The following CTNND2 variants were observed in gnomAD, a reference collection of about 807,000 sequenced individuals.
CTNND2 encodes the protein catenin delta 2, also known as catenin delta-2.
A neutral mutation model predicts 144.4 loss-of-function variants in CTNND2; 22 were observed. That is an observed-to-expected ratio of 0.15 (90% CI 0.11 to 0.22). The LOEUF (loss-of-function observed/expected upper bound fraction) is 0.22. Ranked by LOEUF, CTNND2 falls within the 10% of genes least tolerant of loss-of-function variation. The pLI is 1.00. For synonymous variants in CTNND2, 751 were observed against 695.6 expected (o/e 1.08, Z -1.25); for missense variants, 1,353 against 1,618.8 (o/e 0.84, Z 2.82).
chr5:11,347,814 C>T (rs781394418), intron 8 of CTNND2, among the ~76,000 whole-genome samples: 4 of 152,170 alleles, frequency 2.6e-5, no homozygotes, highest in Non-Finnish European at 5.9e-5. Flanking sequence ...TCCTCTTTTA[C>T]ATTAGGGGAC....
At chr5:11,835,814 CTAT>C (rs1794146932) in intron 1 of CTNND2, among the ~76,000 whole-genome samples, 1 of 152,062 alleles carries the variant, frequency 6.6e-6, no homozygotes, top group Admixed American at 6.6e-5. Context: ...TTGATTTCTA[CTAT>C]TGTCTTTCTT....
chr5:11,448,038 C>A lies in CTNND2; in HGVS notation c.288-35969G>T, dbSNP rs577985229. Among the ~76,000 whole-genome samples, 4 of 152,054 alleles carry A rather than the reference C, an allele frequency of 2.6e-5. No individual in the cohort carries two copies. In the East Asian group the frequency reaches 5.8e-4, roughly 22 times the overall value. On this transcript the variant is annotated intron_variant, in intron 3 of 21. Transcript: ENST00000304623. ...AATCAAGCCTTGGGCAAGTGTTCTGCGAAGGGAGAGGGAGAATCTTCCGAG... is the reference window on the plus strand; with the variant it reads ...AATCAAGCCTTGGGCAAGTGTTCTGAGAAGGGAGAGGGAGAATCTTCCGAG...
chr5:11,103,220 G>C (rs1431737305), intron 14 of CTNND2, among the ~76,000 whole-genome samples: 1 of 151,692 alleles, frequency 6.6e-6, no homozygotes, highest in Non-Finnish European at 1.5e-5. Context: ...GACCTCAAGT[G>C]ATCCACCCAC....
chr5:11,807,093 A>G (rs1444988934), intron 1 of CTNND2, among the ~76,000 whole-genome samples: 1 of 152,146 alleles, frequency 6.6e-6, no homozygotes, highest in Non-Finnish European at 1.5e-5. Flanking sequence ...TAAACTCTGT[A>G]TTATTAAAAT....
chr5:11,085,418 C>A (rs1750026605), intron 15 of CTNND2, among the ~76,000 whole-genome samples: 1 of 152,058 alleles, frequency 6.6e-6, no homozygotes, highest in Non-Finnish European at 1.5e-5. Flanking sequence ...ACCAATTTGT[C>A]CAGATTTAGT....
chr5:11,828,251 C>T (rs1339245041), intron 1 of CTNND2, among the ~76,000 whole-genome samples: 2 of 152,126 alleles, frequency 1.3e-5, no homozygotes, highest in South Asian at 2.1e-4. Flanking sequence ...GTTTCCCGGC[C>T]GGGCATGGTG....
chr5:11,008,178 A>G (rs528410934), intron 18 of CTNND2, among the ~76,000 whole-genome samples: 97 of 152,298 alleles, frequency 6.4e-4, no homozygotes, highest in African/African-American at 2.3e-3. Flanking sequence ...GGGAGACTGA[A>G]TAATACTGCC....
Position 11,218,409 on chromosome 5 carries a change from G to C in CTNND2, c.1761+18282C>G, listed in dbSNP as rs541160872. On this transcript the variant is annotated intron_variant, in intron 10 of 21. Coordinates refer to ENST00000304623, the MANE Select transcript of CTNND2 (RefSeq NM_001332.4). Reference sequence around the variant, plus strand: ...ATTATACCAGTAAAGTTGCATATCAGAGTATCTTTTATCATTAGTAAGTCT... The same window carrying C: ...ATTATACCAGTAAAGTTGCATATCACAGTATCTTTTATCATTAGTAAGTCT... Among the ~76,000 whole-genome samples the C allele has an allele frequency of 3.9e-5, 6 of 152,248 alleles. No homozygotes were observed. The South Asian group carries it at 1.0e-3, about 26-fold the overall frequency.
chr5:11,113,750 C>A (rs1753260986), intron 13 of CTNND2, among the ~76,000 whole-genome samples: 1 of 152,176 alleles, frequency 6.6e-6, no homozygotes, highest in South Asian at 2.1e-4. Flanking sequence ...GCTGTGAGTA[C>A]CTCCCACCAG....
At chr5:11,066,253 T>C (rs936956262) in intron 16 of CTNND2, among the ~76,000 whole-genome samples, 3 of 152,204 alleles carry the variant, frequency 2.0e-5, no homozygotes, top group African/African-American at 7.2e-5. Flanking sequence ...TTGGCCAGGA[T>C]GGTCTCAATC....
intron 9 of CTNND2, among the ~76,000 whole-genome samples, chr5:11,282,707 C>T (rs1056358433): frequency 1.3e-5 from 2 of 152,172 alleles, no homozygotes; most frequent in South Asian, 4.1e-4. Flanking sequence ...AGTGGGCTTT[C>T]ATATGTAAAC....
intron 16 of CTNND2, among the ~76,000 whole-genome samples, chr5:11,044,898 G>C (rs2149572898): frequency 6.6e-6 from 1 of 152,344 alleles, no homozygotes; most frequent in South Asian, 2.1e-4. Context: ...GTGCCCCCTT[G>C]GGCCACCACT....
At position 11,790,336 on chromosome 5, in the gene CTNND2, T is replaced by C. The variant is rs532432501; in HGVS notation, c.38-58064A>G. On this transcript the variant is annotated intron_variant, in intron 1 of 21. Coordinates refer to ENST00000304623, the MANE Select transcript of CTNND2 (RefSeq NM_001332.4). ...CTGCCATATGCTTGTTGCTGTTCATTAGAAAAACATTTCAATATGAAGTCC... is the reference window on the plus strand; with the variant it reads ...CTGCCATATGCTTGTTGCTGTTCATCAGAAAAACATTTCAATATGAAGTCC... Among the ~76,000 whole-genome samples, 4 of 152,286 alleles carry C rather than the reference T, an allele frequency of 2.6e-5. No individual in the cohort carries two copies. The East Asian group carries it at 7.7e-4, about 29-fold the overall frequency.
chr5:11,006,911 C>A (rs1198141087), intron 18 of CTNND2, among the ~76,000 whole-genome samples: 1 of 152,032 alleles, frequency 6.6e-6, no homozygotes, highest in Non-Finnish European at 1.5e-5. Context: ...GGAAAATGGA[C>A]AATGTCAGGA....
At chr5:11,257,679 C>T (rs1580727650) in intron 9 of CTNND2, among the ~76,000 whole-genome samples, 1 of 152,160 alleles carries the variant, frequency 6.6e-6, no homozygotes, top group African/African-American at 2.4e-5. Flanking sequence ...TATGGGGTTA[C>T]AATTCGAGAT....
chr5:10,976,962 A>T (rs1459360482), intron 21 of CTNND2, among the ~76,000 whole-genome samples: 1 of 152,248 alleles, frequency 6.6e-6, no homozygotes, highest in Non-Finnish European at 1.5e-5. Context: ...AACTTGTTAG[A>T]AATGCAGATT....
At chr5:11,429,467 C>T (rs62337481) in intron 3 of CTNND2, among the ~76,000 whole-genome samples, 10,673 of 152,194 alleles carry the variant, frequency 0.07, 404 homozygotes, top group African/African-American at 0.08. Flanking sequence ...GAGCAGGACC[C>T]GGAGTGAGCC....
chr5:11,764,981 G>C (rs1789495258), intron 1 of CTNND2, among the ~76,000 whole-genome samples: 1 of 152,248 alleles, frequency 6.6e-6, no homozygotes, highest in East Asian at 1.9e-4. Context: ...CATTGGCCAT[G>C]GGGCAACATG....
At chr5:11,748,449 T>C (rs536637389) in intron 1 of CTNND2, among the ~76,000 whole-genome samples, 4 of 152,214 alleles carry the variant, frequency 2.6e-5, no homozygotes, top group Non-Finnish European at 4.4e-5. Flanking sequence ...GGGCTTCAAA[T>C]ACCCTGGTAT....
Sources: allele counts gnomAD v4.1 joint callset (sites outside exome capture counted in the v4.1 genomes callset), GRCh38; gene constraint gnomAD v4.1.1; transcripts MANE v1.5; gene names NCBI Gene and HGNC (gene_info 2026-07-23, HGNC 2026-07-21).